GPR19: variants seen among roughly 807,000 people sequenced by gnomAD.
GPR19 encodes the protein probable G protein-coupled receptor 19.
In GPR19, 14 loss-of-function variants were observed where a neutral mutation model predicts 28.5. That is an observed-to-expected ratio of 0.49 (90% confidence interval 0.32 to 0.77). The LOEUF is 0.77. Ranked by LOEUF, GPR19 falls within the 30% of genes least tolerant of loss-of-function variation. The probability of loss-of-function intolerance (pLI) is 0.03; values close to 1 mark genes in which losing one functional copy is unlikely to be tolerated. For missense variants in GPR19, 409 were observed against 504.1 expected (o/e 0.81, Z 1.81); for synonymous variants, 173 against 184.1 (o/e 0.94, Z 0.49).
At position 12,661,275 on chromosome 12, in the gene GPR19, A is replaced by T; in HGVS notation, c.1174T>A (p.Ser392Thr). 6.2e-7 allele frequency: 1 copy of T among 1,613,382 alleles called. No individual in the cohort carries two copies. Among genetic ancestry groups the T allele is most frequent in the Non-Finnish European group, 8.5e-7 (1 of 1,179,504 alleles). Residue 392 changes from serine to threonine, a missense_variant, in exon 4 of 4, where the codon TCA becomes ACA. Ser to Thr is a moderately conservative substitution (Grantham distance 58). Coordinates refer to ENST00000651487, the MANE Select transcript of GPR19 (RefSeq NM_006143.3). The surrounding 1 kb of genome is among the most constrained non-coding windows in gnomAD (Gnocchi z 4.2). ...TTTTCCTTGGCTTCTCTGTCAAATGAGTCATAGATCGAGTCTTTGGTAATA... is the reference window on the plus strand; with the variant it reads ...TTTTCCTTGGCTTCTCTGTCAAATGTGTCATAGATCGAGTCTTTGGTAATA... ...KTITKDSIYDSFDREAKEKKL... is the reference protein window; with the variant it reads ...KTITKDSIYDTFDREAKEKKL...
At chr12:12,664,015 A>G (rs1314650660) in intron 3 of GPR19, among the ~76,000 whole-genome samples, 1 of 152,006 alleles carries the variant, frequency 6.6e-6, no homozygotes, top group Non-Finnish European at 1.5e-5. Context: ...TTTTTTTGAG[A>G]CAGAGTCTCG....
chr12:12,701,601 C>A, the GPR19 span, among the ~76,000 whole-genome samples: 2 of 152,014 alleles, frequency 1.3e-5, no homozygotes, highest in African/African-American at 4.8e-5. Flanking sequence ...ACTCAATTAC[C>A]CCTTTCTCCC....
At chr12:12,703,503 C>A in the GPR19 span, 2 of 815,814 alleles carry the variant, frequency 2.5e-6, no homozygotes, top group Non-Finnish European at 3.0e-6. Context: ...GACATCTTTG[C>A]CATAGAAGCC....
At chr12:12,688,118 T>C (rs1946120970) in intron 2 of GPR19, among the ~76,000 whole-genome samples, 1 of 152,180 alleles carries the variant, frequency 6.6e-6, no homozygotes, top group African/African-American at 2.4e-5. Context: ...GAACGGGTTA[T>C]TTGTAGATTA....
intron 3 of GPR19, among the ~76,000 whole-genome samples, chr12:12,681,033 A>T (rs1004166468): frequency 6.6e-6 from 1 of 152,118 alleles, no homozygotes; most frequent in African/African-American, 2.4e-5. Flanking sequence ...CCTGGGCTCA[A>T]GCAATCCTCC....
At chr12:12,704,223 C>T in the GPR19 span, among the ~76,000 whole-genome samples, 3 of 152,190 alleles carry the variant, frequency 2.0e-5, no homozygotes, top group African/African-American at 7.2e-5. Flanking sequence ...ATCATAAGGC[C>T]AGGCGCTGTG....
chr12:12,706,269 T>C, the GPR19 span, among the ~76,000 whole-genome samples: 2 of 152,198 alleles, frequency 1.3e-5, no homozygotes, highest in African/African-American at 4.8e-5. Flanking sequence ...GATCATGCTT[T>C]CCTCCTTGGA....
the GPR19 span, among the ~76,000 whole-genome samples, chr12:12,705,603 A>G: frequency 6.6e-6 from 1 of 151,778 alleles, no homozygotes; most frequent in East Asian, 1.9e-4. Context: ...TGAAAAGTGC[A>G]GTGGCATGTT....
At chr12:12,705,221 G>T in the GPR19 span, among the ~76,000 whole-genome samples, 1 of 150,928 alleles carries the variant, frequency 6.6e-6, no homozygotes, top group Non-Finnish European at 1.5e-5. Context: ...GGAGGTTGAG[G>T]CAGGAGAATC....
At chr12:12,716,687 T>A in the GPR19 span, 1 of 888,206 alleles carries the variant, frequency 1.1e-6, no homozygotes, top group Non-Finnish European at 1.3e-6. Context: ...AAGTGCCGCG[T>A]CTACTCCTGG....
intron 3 of GPR19, among the ~76,000 whole-genome samples, chr12:12,667,318 A>C (rs956988117): frequency 6.6e-6 from 1 of 152,102 alleles, no homozygotes; most frequent in Non-Finnish European, 1.5e-5. Context: ...TCATTCATTT[A>C]TCCTATTATC....
the GPR19 span, chr12:12,717,104 G>T: frequency 4.6e-5 from 47 of 1,013,448 alleles, no homozygotes; most frequent in Admixed American, 5.9e-5. Context: ...CGGCCGTTTG[G>T]CTAGTTTGTT....
intron 3 of GPR19, among the ~76,000 whole-genome samples, chr12:12,680,926 T>C (rs1190704070): frequency 6.6e-6 from 1 of 152,110 alleles, no homozygotes. Context: ...GGACCTTAAG[T>C]ATTCTGCCCC....
chr12:12,678,060 C>T (rs754622873), intron 3 of GPR19, among the ~76,000 whole-genome samples: 1 of 115,814 alleles, frequency 8.6e-6, no homozygotes. Flanking sequence ...GGTGACAGAA[C>T]GAGACTCTGT....
At chr12:12,704,329 C>T in the GPR19 span, among the ~76,000 whole-genome samples, 1 of 152,142 alleles carries the variant, frequency 6.6e-6, no homozygotes, top group African/African-American at 2.4e-5. Context: ...TTGTGAAACC[C>T]TGCCTCTACT....
intron 3 of GPR19, among the ~76,000 whole-genome samples, chr12:12,667,349 T>TGTA (rs1945797589): frequency 6.6e-6 from 1 of 152,094 alleles, no homozygotes; most frequent in African/African-American, 2.4e-5. Flanking sequence ...CCATCCAAGC[T>TGTA]TTAAGATTAA....
At chr12:12,680,009 A>C (rs757026645) in intron 3 of GPR19, among the ~76,000 whole-genome samples, 3 of 152,162 alleles carry the variant, frequency 2.0e-5, no homozygotes, top group Non-Finnish European at 4.4e-5. Flanking sequence ...CATTATATGC[A>C]TTGAAAAAAA....
intron 3 of GPR19, among the ~76,000 whole-genome samples, chr12:12,663,376 A>G (rs1453251158): frequency 6.6e-6 from 1 of 151,566 alleles, no homozygotes; most frequent in Non-Finnish European, 1.5e-5. Flanking sequence ...CAGGAGGATC[A>G]GTTGGTCCAG....
chr12:12,665,767 G>GCGGAGCTTGCAGTGAGC (rs1945764084), intron 3 of GPR19, among the ~76,000 whole-genome samples: 1 of 146,802 alleles, frequency 6.8e-6, no homozygotes, highest in Non-Finnish European at 1.5e-5. Context: ...AACCCGGGAG[G>GCGGAGCTTGCAGTGAGC]CGGAGCTTGC....
Sources: gnomAD v4.1 joint callset for allele counts (sites outside exome capture counted in the v4.1 genomes callset) on GRCh38, gnomAD v4.1.1 for gene constraint, Gnocchi (gnomAD v3.1) non-coding constraint, MANE v1.5 for transcripts, NCBI Gene and HGNC (gene_info 2026-07-23, HGNC 2026-07-21) for gene names.